Variants in ADGRG6 observed in about 807,000 individuals in gnomAD.
The protein encoded by ADGRG6 is adhesion G protein-coupled receptor G6.
Under a neutral mutation model 142.4 loss-of-function variants are expected in ADGRG6, and 84 were observed. The observed-to-expected ratio is 0.59, with a 90% CI of 0.49 to 0.71. The LOEUF (loss-of-function observed/expected upper bound fraction) is 0.71. Among genes scored for constraint, ADGRG6 ranks in the 30% least tolerant of loss-of-function variants. The pLI is 0.00. For missense variants in ADGRG6, 1,367 were observed against 1,466.6 expected (o/e 0.93, Z 1.11); for synonymous variants, 521 against 520.5 (o/e 1.00, Z -0.01).
At chr6:142,420,193 T>G in intron 22 of ADGRG6, 89 bp downstream of exon 22, 1 of 993,714 alleles carries the variant, frequency 1.0e-6, no homozygotes, top group Non-Finnish European at 1.5e-6. Context: ...CCATGTTAAG[T>G]TTCTGTGTCA....
rs1329777127 is a variant in ADGRG6 at position 142,367,526 on chromosome 6, G to A, written c.104-43G>A. 8 of 1,509,644 alleles carry A rather than the reference G, an allele frequency of 5.3e-6. No individual in the cohort carries two copies. In the South Asian group the frequency reaches 9.3e-5, roughly 17 times the overall value. The allele number at this position is 1,509,644 out of a possible 1,614,324, so 93.5% of individuals were successfully genotyped here. On this transcript the variant is annotated intron_variant, in intron 2 of 24. Coordinates refer to ENST00000367609, the MANE Select transcript of ADGRG6 (RefSeq NM_198569.3). ...TATTCTCGGTTTATTGCATGCATCT[G>A]AACCCAGCCCTTCTCTCTGTCTCTC...
At chr6:142,383,933 G>C in intron 6 of ADGRG6, 90 bp downstream of exon 6, 1 of 696,360 alleles carries the variant, frequency 1.4e-6, no homozygotes, top group Non-Finnish European at 2.5e-6. Context: ...CCAACAAAGT[G>C]TCTGTTACTG....
In ADGRG6 at chr6:142,318,072, T is replaced by TTA. The variant is rs1288846664; in HGVS notation, c.103+8434_103+8435dup. Among the ~76,000 whole-genome samples the TTA allele has an allele frequency of 1.5e-3, 84 of 55,144 alleles. 2 individuals are homozygous for TTA. Among genetic ancestry groups the TTA allele is most frequent in the Non-Finnish European group, 1.9e-3 (65 of 34,180 alleles). The allele number at this position is 55,144 out of a possible 152,430, so 36.2% of individuals were successfully genotyped here. A position where few individuals can be genotyped will look rare whatever the true frequency, so the allele number is the denominator to read the frequency against. Reference sequence around the variant, plus strand: ...TTATATATATTTATATTATATATATTTATATATTATATATTTATATTATAT... The same window carrying TTA: ...TTATATATATTTATATTATATATATTTATATATATTATATATTTATATTATAT... On this transcript the variant is annotated intron_variant, in intron 2 of 24. Coordinates refer to ENST00000367609, the MANE Select transcript of ADGRG6 (RefSeq NM_198569.3).
intron 1 of ADGRG6, among the ~76,000 whole-genome samples, chr6:142,306,552 GT>G (rs564947122): frequency 6.6e-6 from 1 of 151,676 alleles, no homozygotes. Context: ...AAGATGATAG[GT>G]TTTTTTTGCA....
chr6:142,390,935 T>C (rs1774863006), intron 7 of ADGRG6, among the ~76,000 whole-genome samples: 1 of 151,910 alleles, frequency 6.6e-6, no homozygotes, highest in Non-Finnish European at 1.5e-5. Flanking sequence ...TTATTTTTAT[T>C]GTTGCCAGAT....
chr6:142,425,006 G>C (rs1433020322), intron 22 of ADGRG6, among the ~76,000 whole-genome samples: 1 of 152,146 alleles, frequency 6.6e-6, no homozygotes, highest in Admixed American at 6.6e-5. Context: ...ATTTGCTATA[G>C]TTGATGATTA....
At chr6:142,430,710 G>T (rs766111602) in intron 22 of ADGRG6, among the ~76,000 whole-genome samples, 1 of 152,124 alleles carries the variant, frequency 6.6e-6, no homozygotes, top group Non-Finnish European at 1.5e-5. Flanking sequence ...TTAGAAATAG[G>T]TGTATTATTA....
intron 7 of ADGRG6, among the ~76,000 whole-genome samples, chr6:142,392,628 T>A (rs1255729280): frequency 6.6e-6 from 1 of 152,018 alleles, no homozygotes; most frequent in African/African-American, 2.4e-5. Context: ...CATCTGCTAC[T>A]GCTTACTTGG....
In ADGRG6 at chr6:142,445,445, T is replaced by C. The variant is rs1366472338; in HGVS notation, c.*1930T>C. 1.3e-5 allele frequency: 2 copies of C among 152,178 alleles called. No individual in the cohort carries two copies. Among genetic ancestry groups the C allele is most frequent in the African/African-American group, 4.8e-5 (2 of 41,442 alleles). The allele number at this position is 152,178 out of a possible 1,614,324, so 9.4% of individuals were successfully genotyped here. ...AACCTTAGACATTCATAGTAGATTTTAATTAGTTAGCTTTCTAACTAGTCA... is the reference window on the plus strand; with the variant it reads ...AACCTTAGACATTCATAGTAGATTTCAATTAGTTAGCTTTCTAACTAGTCA... On this transcript the variant is annotated 3_prime_UTR_variant, in exon 25 of 25. Transcript: ENST00000367609.
intron 2 of ADGRG6, among the ~76,000 whole-genome samples, chr6:142,330,442 G>A (rs2114660032): frequency 6.6e-6 from 1 of 152,292 alleles, no homozygotes; most frequent in East Asian, 1.9e-4. Flanking sequence ...AAGCCGGAAA[G>A]ATGTGGGAGT....
intron 23 of ADGRG6, 87 bp downstream of exon 23, chr6:142,437,622 C>A: frequency 1.4e-6 from 1 of 735,404 alleles, no homozygotes. Flanking sequence ...AACCCAGTCC[C>A]AGTGGTAGCA....
chr6:142,309,561 G>A lies in ADGRG6; in HGVS notation c.20G>A (p.Arg7Gln), dbSNP rs1317407930. 7 of 1,608,398 alleles carry A rather than the reference G, an allele frequency of 4.4e-6. No homozygotes were observed. Among genetic ancestry groups the A allele is most frequent in the East Asian group, 4.5e-5 (2 of 44,752 alleles). MMFRSD[R>Q]MWSCHWKWKP... The stretch of plus-strand genomic sequence containing the variant: ...CTTTGCAGGATGTTTCGCTCAGATC[G>A]AATGTGGAGCTGCCATTGGAAATGG... The change falls in exon 2 of 25, where the codon CGA becomes CAA. Residue 7 changes from arginine (R) to glutamine (Q), a missense_variant. By Grantham distance (43) the Arg-to-Gln change is conservative. Transcript: ENST00000367609.
In ADGRG6 at chr6:142,405,647, AT is replaced by A. The variant is rs745849879; in HGVS notation, c.2128-39del. 12 of 1,532,474 alleles carry A rather than the reference AT, an allele frequency of 7.8e-6. No homozygotes were observed. In the South Asian group the frequency reaches 1.3e-4, roughly 16 times the overall value. 94.9% of individuals were successfully genotyped at this position (1,532,474 alleles called of 1,614,324 possible). On this transcript the variant is annotated intron_variant, in intron 14 of 24. Transcript: ENST00000367609. ...TGTGGAATAAAGTTATTACCATTCA[AT>A]TATGATTACTTGACCAATATATCTG...
intron 2 of ADGRG6, among the ~76,000 whole-genome samples, chr6:142,325,314 G>A (rs1778719337): frequency 6.6e-6 from 1 of 152,152 alleles, no homozygotes; most frequent in Non-Finnish European, 1.5e-5. Context: ...TCCCATAGGA[G>A]AGAAGTGCTA....
chr6:142,432,860 T>C (rs1777280090), intron 22 of ADGRG6, among the ~76,000 whole-genome samples: 1 of 152,188 alleles, frequency 6.6e-6, no homozygotes, highest in Non-Finnish European at 1.5e-5. Context: ...CTGAATGTTT[T>C]TTCCAGGATA....
At chr6:142,397,231 A>C (rs116336042) in intron 9 of ADGRG6, among the ~76,000 whole-genome samples, 1,737 of 152,176 alleles carry the variant, frequency 0.011, 34 homozygotes, top group African/African-American at 0.04. Flanking sequence ...AGTTGAAATC[A>C]TAGTTTTATT....
rs569516119 is a variant in ADGRG6 at position 142,414,752 on chromosome 6, A to G, written c.2542-217A>G. ...GGGAAAGAAGGTAATGATGAAAAAC[A>G]ATGTGTAACGACTTCCAGAAGTAAT... On this transcript the variant is annotated intron_variant, in intron 18 of 24. Transcript: ENST00000367609. 1.1e-4 allele frequency among the ~76,000 whole-genome samples: 17 copies of G among 152,330 alleles called. No individual in the cohort carries two copies. The South Asian group carries it at 1.7e-3, about 15-fold the overall frequency.
chr6:142,400,206 A>AATGTATGATT (rs1775435699), intron 10 of ADGRG6, among the ~76,000 whole-genome samples: 1 of 152,204 alleles, frequency 6.6e-6, no homozygotes, highest in African/African-American at 2.4e-5. Context: ...TTAGAATGAT[A>AATGTATGATT]ATGTATGTTT....
intron 14 of ADGRG6, chr6:142,405,207 C>G: frequency 2.7e-6 from 1 of 369,626 alleles, no homozygotes; most frequent in South Asian, 2.1e-5. Context: ...TGCAGGAAAG[C>G]ATTCTTTGTC....
Sources: allele counts gnomAD v4.1 joint callset (sites outside exome capture counted in the v4.1 genomes callset), GRCh38; gene constraint gnomAD v4.1.1; transcripts MANE v1.5; gene names NCBI Gene and HGNC (gene_info 2026-07-23, HGNC 2026-07-21).